VEGFC: variants seen among roughly 807,000 people sequenced by gnomAD.
The protein encoded by VEGFC is vascular endothelial growth factor C.
Under a neutral mutation model 46.1 loss-of-function variants are expected in VEGFC, and 12 were observed. The observed-to-expected ratio is 0.26, with a 90% CI of 0.17 to 0.42. The LOEUF is 0.42. Among genes scored for constraint, VEGFC ranks in the 10% least tolerant of loss-of-function variants. VEGFC has a pLI of 1.00. For missense variants in VEGFC, 488 were observed against 529.4 expected (o/e 0.92, Z 0.77); for synonymous variants, 232 against 195.5 (o/e 1.19, Z -1.56).
intron 1 of VEGFC, among the ~76,000 whole-genome samples, chr4:176,730,868 T>C (rs1734951250): frequency 6.6e-6 from 1 of 152,116 alleles, no homozygotes; most frequent in Admixed American, 6.6e-5. Context: ...TTGTACCATA[T>C]ATTGAGAAAC....
chr4:176,706,291 AATCAAAGAT>A (rs1734532976), intron 4 of VEGFC: 1 of 23,782 alleles, frequency 4.2e-5, no homozygotes. Context: ...CTCCCTCCCT[AATCAAAGAT>A]TTGACTTAAA....
chr4:176,769,024 G>A (rs915754792), intron 1 of VEGFC, among the ~76,000 whole-genome samples: 5 of 151,960 alleles, frequency 3.3e-5, no homozygotes, highest in African/African-American at 1.2e-4. Flanking sequence ...GAGATGATGA[G>A]GTCATGAGGG....
At chr4:176,780,383 A>AAAAAAAAAACAAAAC (rs1735891973) in intron 1 of VEGFC, among the ~76,000 whole-genome samples, 3 of 89,616 alleles carry the variant, frequency 3.3e-5, no homozygotes, top group Non-Finnish European at 5.7e-5. Context: ...CTCCATCTCA[A>AAAAAAAAAACAAAAC]AAAAAAAAAA....
chr4:176,683,903 A>C lies in VEGFC; in HGVS notation c.*23T>G. 1 of 1,581,952 alleles carries C rather than the reference A, an allele frequency of 6.3e-7. No homozygotes were observed. The highest frequency in any genetic ancestry group is 8.7e-7 in the Non-Finnish European group (1 of 1,150,772). On this transcript the variant is annotated 3_prime_UTR_variant, in exon 7 of 7. Transcript: ENST00000618562. Reference sequence around the variant, plus strand: ...CACAGTTTTCCATAATAGAAAATCGATGAACTGGAAAACAGTACAATCTTA... The same window carrying C: ...CACAGTTTTCCATAATAGAAAATCGCTGAACTGGAAAACAGTACAATCTTA...
intron 3 of VEGFC, among the ~76,000 whole-genome samples, chr4:176,722,720 C>T (rs1734809996): frequency 6.6e-6 from 1 of 151,926 alleles, no homozygotes; most frequent in Non-Finnish European, 1.5e-5. Context: ...GGCTGGTCTC[C>T]AATTCCTAAG....
intron 3 of VEGFC, among the ~76,000 whole-genome samples, chr4:176,722,558 C>T (rs769740469): frequency 1.4e-5 from 2 of 146,934 alleles, no homozygotes; most frequent in Non-Finnish European, 3.0e-5. Context: ...TGCAGTGCTG[C>T]GATCTTTACT....
In VEGFC at chr4:176,788,085, A is replaced by G. The variant is rs1736033353; in HGVS notation, c.147+4080T>C. ...TGCCAACTTAAATTTGTTCTTTCCA[A>G]ATCCACTTATTTGTGAAAGGTCATT... On this transcript the variant is annotated intron_variant, in intron 1 of 6. Coordinates refer to ENST00000618562, the MANE Select transcript of VEGFC (RefSeq NM_005429.5). 3.9e-5 allele frequency among the ~76,000 whole-genome samples: 6 copies of G among 152,330 alleles called. No individual in the cohort carries two copies. In the South Asian group the frequency reaches 1.2e-3, roughly 32 times the overall value.
intron 3 of VEGFC, among the ~76,000 whole-genome samples, chr4:176,715,389 A>G (rs767182169): frequency 2.6e-4 from 40 of 152,210 alleles, no homozygotes; most frequent in Non-Finnish European, 4.7e-4. Flanking sequence ...TAATATTAAA[A>G]GTAGAAAGAG....
chr4:176,691,850 C>G (rs112221882), intron 4 of VEGFC, among the ~76,000 whole-genome samples: 3 of 151,438 alleles, frequency 2.0e-5, no homozygotes, highest in Non-Finnish European at 2.9e-5. Context: ...CTGAGCAACG[C>G]AGAAGACGGG....
chr4:176,755,919 T>C (rs1394389700), intron 1 of VEGFC, among the ~76,000 whole-genome samples: 1 of 152,080 alleles, frequency 6.6e-6, no homozygotes, highest in Non-Finnish European at 1.5e-5. Flanking sequence ...TAATGATTTA[T>C]TATATGAATG....
intron 3 of VEGFC, among the ~76,000 whole-genome samples, chr4:176,725,172 C>G (rs1383479889): frequency 6.6e-6 from 1 of 152,284 alleles, no homozygotes; most frequent in Non-Finnish European, 1.5e-5. Flanking sequence ...CAACATATAA[C>G]ACATGACCCC....
rs1734924887 is a variant in VEGFC, at chr4:176,729,467, CCAGGCTGGCA to C, written c.361+56_361+65del. The C allele has an allele frequency of 3.5e-6, 5 of 1,412,956 alleles. No homozygotes were observed. The African/African-American group carries it at 5.8e-5, about 16-fold the overall frequency. The allele number at this position is 1,412,956 out of a possible 1,614,324, so 87.5% of individuals were successfully genotyped here. On this transcript the variant is annotated intron_variant, in intron 2 of 6. Transcript: ENST00000618562. ...TGATACAAACACTGAAATTAAAGAACCAGGCTGGCAACTTCTACTGGTTTGATATATAAGG... is the reference window on the plus strand; with the variant it reads ...TGATACAAACACTGAAATTAAAGAACACTTCTACTGGTTTGATATATAAGG...
intron 3 of VEGFC, among the ~76,000 whole-genome samples, chr4:176,715,507 C>T (rs1734685046): frequency 6.6e-6 from 1 of 152,198 alleles, no homozygotes; most frequent in Admixed American, 6.5e-5. Flanking sequence ...CCTATACCAG[C>T]TCTTGTCACA....
chr4:176,715,409 T>G (rs1275584325), intron 3 of VEGFC, among the ~76,000 whole-genome samples: 1 of 152,158 alleles, frequency 6.6e-6, no homozygotes, highest in Non-Finnish European at 1.5e-5. Context: ...GTCTTGATAA[T>G]TGAGTTTTAT....
rs369537352 is a variant in VEGFC, at chr4:176,687,433, C to T, written c.899G>A (p.Arg300Gln). ...TTTGTGGGGTCCACAGCTGGCAGGC[C>T]GAAGCCCCGCTCTGCAGACACACTG... ...TCQCVCRAGL[R>Q]PASCGPHKEL... The change falls in exon 6 of 7, where the codon CGG becomes CAG. Residue 300 changes from arginine (R) to glutamine (Q), a missense_variant. Physicochemically the swap from Arg to Gln is conservative, Grantham distance 43. Coordinates refer to ENST00000618562, the MANE Select transcript of VEGFC (RefSeq NM_005429.5). 5 of 1,613,976 alleles carry T rather than the reference C, an allele frequency of 3.1e-6. No individual in the cohort carries two copies. Among genetic ancestry groups the T allele is most frequent in the Admixed American group, 1.7e-5 (1 of 60,002 alleles).
intron 3 of VEGFC, among the ~76,000 whole-genome samples, chr4:176,714,156 T>C (rs1398418814): frequency 6.6e-6 from 1 of 152,220 alleles, no homozygotes; most frequent in East Asian, 1.9e-4. Context: ...TGATTCCCAA[T>C]GTTAGAGGTG....
intron 4 of VEGFC, among the ~76,000 whole-genome samples, chr4:176,688,963 C>T (rs756122372): frequency 1.3e-5 from 2 of 152,092 alleles, no homozygotes; most frequent in Non-Finnish European, 2.9e-5. Context: ...TTTCAGGGGG[C>T]AGAGCTAGAA....
chr4:176,728,628 T>C (rs1734911849), intron 2 of VEGFC, among the ~76,000 whole-genome samples: 1 of 152,202 alleles, frequency 6.6e-6, no homozygotes, highest in Admixed American at 6.5e-5. Context: ...AGCTTACCTA[T>C]AATACTGTTG....
chr4:176,787,679 T>G (rs1361298310), intron 1 of VEGFC, among the ~76,000 whole-genome samples: 2 of 152,048 alleles, frequency 1.3e-5, no homozygotes, highest in Non-Finnish European at 2.9e-5. Flanking sequence ...AGTCTCTGCT[T>G]TCTCATGGTT....
Sources: allele counts gnomAD v4.1 joint callset (sites outside exome capture counted in the v4.1 genomes callset), GRCh38; gene constraint gnomAD v4.1.1; transcripts MANE v1.5; gene names NCBI Gene and HGNC (gene_info 2026-07-23, HGNC 2026-07-21).